SUCLG2: variants seen among roughly 807,000 people sequenced by gnomAD.
SUCLG2 encodes succinate-CoA ligase GDP-forming subunit beta.
Under a neutral mutation model 47.9 loss-of-function variants are expected in SUCLG2, and 42 were observed. That is an observed-to-expected ratio of 0.88 (90% CI 0.69 to 1.14). The LOEUF is 1.14. Among genes scored for constraint, SUCLG2 ranks in the 50% most tolerant of loss-of-function variants. SUCLG2 has a pLI of 0.00. For synonymous variants in SUCLG2, 195 were observed against 197.3 expected (o/e 0.99, Z 0.10); for missense variants, 571 against 525.9 (o/e 1.09, Z -0.84).
chr3:67,567,049 T>C lies in SUCLG2; in HGVS notation c.227-37863A>G, dbSNP rs114678923. Among the ~76,000 whole-genome samples, 1,140 of 152,104 alleles carry C rather than the reference T, an allele frequency of 7.5e-3. 12 individuals carry two copies. The highest frequency in any genetic ancestry group is 0.036 in the East Asian group (183 of 5,144). On this transcript the variant is annotated intron_variant, in intron 2 of 10. Coordinates refer to ENST00000307227, the MANE Select transcript of SUCLG2 (RefSeq NM_003848.4). ...ACACAAAAAAATTAGCTGCCCATGG[T>C]GGTGTGTGCCTGTGGTCCCAGCTAC...
In SUCLG2 at chr3:67,604,457, C is replaced by G. The variant is rs1708484969; in HGVS notation, c.226+4998G>C. 2.0e-5 allele frequency among the ~76,000 whole-genome samples: 3 copies of G among 152,176 alleles called. No homozygotes were observed. The South Asian group carries it at 6.2e-4, about 32-fold the overall frequency. On this transcript the variant is annotated intron_variant, in intron 2 of 10. Coordinates refer to ENST00000307227, the MANE Select transcript of SUCLG2 (RefSeq NM_003848.4). Reference sequence around the variant, plus strand: ...AATGCTAGGGGAGATTTAATCTAATCTGACTGGATTAAAATCCCATCATCT... The same window carrying G: ...AATGCTAGGGGAGATTTAATCTAATGTGACTGGATTAAAATCCCATCATCT...
At chr3:67,396,030 A>G (rs1575668066) in intron 10 of SUCLG2, among the ~76,000 whole-genome samples, 1 of 152,096 alleles carries the variant, frequency 6.6e-6, no homozygotes, top group Non-Finnish European at 1.5e-5. Flanking sequence ...CAGTGTGTAG[A>G]GGGAAATTTA....
chr3:67,605,889 G>C (rs1223553431), intron 2 of SUCLG2, among the ~76,000 whole-genome samples: 2 of 151,612 alleles, frequency 1.3e-5, no homozygotes, highest in African/African-American at 4.8e-5. Flanking sequence ...ATGCAACATT[G>C]CTCATTCCTC....
intron 1 of SUCLG2, among the ~76,000 whole-genome samples, chr3:67,619,829 A>G (rs537534878): frequency 6.6e-6 from 1 of 152,334 alleles, no homozygotes; most frequent in Non-Finnish European, 1.5e-5. Flanking sequence ...CAACCTTGAT[A>G]AACATTAGCA....
chr3:67,507,644 T>C (rs1299051636), intron 7 of SUCLG2, among the ~76,000 whole-genome samples: 1 of 152,002 alleles, frequency 6.6e-6, no homozygotes, highest in Non-Finnish European at 1.5e-5. Context: ...TCGAAGGAAA[T>C]GATAGTGTAG....
chr3:67,403,599 A>G (rs1297124056), intron 9 of SUCLG2, among the ~76,000 whole-genome samples: 1 of 152,198 alleles, frequency 6.6e-6, no homozygotes, highest in Non-Finnish European at 1.5e-5. Flanking sequence ...CAGGGTCTAC[A>G]GATGTCTCAC....
At chr3:67,433,858 A>AACATCTATAAAACAC (rs1387247665) in intron 9 of SUCLG2, among the ~76,000 whole-genome samples, 5 of 152,204 alleles carry the variant, frequency 3.3e-5, no homozygotes, top group Admixed American at 6.5e-5. Flanking sequence ...GCTCTACAAA[A>AACATCTATAAAACAC]ACATCTATAA....
At chr3:67,641,775 C>T (rs1575838182) in intron 1 of SUCLG2, among the ~76,000 whole-genome samples, 1 of 152,152 alleles carries the variant, frequency 6.6e-6, no homozygotes, top group Non-Finnish European at 1.5e-5. Context: ...AAGGTATTCT[C>T]TTGCAGTTTA....
At chr3:67,421,044 A>G (rs1256661640) in intron 9 of SUCLG2, among the ~76,000 whole-genome samples, 1 of 152,174 alleles carries the variant, frequency 6.6e-6, no homozygotes, top group Admixed American at 6.5e-5. Context: ...GTATCAGGTC[A>G]TTTCATCCTC....
intron 2 of SUCLG2, among the ~76,000 whole-genome samples, chr3:67,538,095 T>C (rs1456209553): frequency 2.0e-5 from 3 of 152,216 alleles, no homozygotes; most frequent in Non-Finnish European, 2.9e-5. Context: ...TTTTTCAATT[T>C]TGGCTTTTGT....
chr3:67,590,810 A>G (rs561867877), intron 2 of SUCLG2, among the ~76,000 whole-genome samples: 1 of 152,288 alleles, frequency 6.6e-6, no homozygotes, highest in Admixed American at 6.5e-5. Flanking sequence ...CTTTTCTTTT[A>G]GTGTTAAGTA....
intron 2 of SUCLG2, among the ~76,000 whole-genome samples, chr3:67,554,607 G>A (rs1381169669): frequency 1.3e-5 from 2 of 152,048 alleles, no homozygotes; most frequent in Non-Finnish European, 2.9e-5. Context: ...CGGTTTGGCT[G>A]TTAAGGGACC....
chr3:67,651,535 T>C (rs1042728533), intron 1 of SUCLG2, among the ~76,000 whole-genome samples: 2 of 152,200 alleles, frequency 1.3e-5, no homozygotes, highest in Non-Finnish European at 2.9e-5. Context: ...TGCCTACATA[T>C]AATTTCACCT....
At chr3:67,542,427 G>A (rs1247936430) in intron 2 of SUCLG2, among the ~76,000 whole-genome samples, 4 of 151,974 alleles carry the variant, frequency 2.6e-5, no homozygotes, top group East Asian at 1.9e-4. Flanking sequence ...ATCAACTAAC[G>A]GGCAAAATAA....
At chr3:67,387,454 T>G (rs1164814860) in intron 10 of SUCLG2, among the ~76,000 whole-genome samples, 1 of 152,218 alleles carries the variant, frequency 6.6e-6, no homozygotes, top group Non-Finnish European at 1.5e-5. Flanking sequence ...TAGAAATGAA[T>G]GCACACTACG....
At position 67,498,181 on chromosome 3, in the gene SUCLG2, T is replaced by C; in HGVS notation, c.872A>G (p.Lys291Arg). 6.2e-7 allele frequency: 1 copy of C among 1,613,702 alleles called. No homozygotes were observed. Among genetic ancestry groups the C allele is most frequent in the Middle Eastern group, 1.7e-4 (1 of 5,922 alleles). ...TAGTCCTATGTATTTTAGATCATATTTGGCAGCTTCATTTTCAATGGGCTC... is the reference window on the plus strand; with the variant it reads ...TAGTCCTATGTATTTTAGATCATATCTGGCAGCTTCATTTTCAATGGGCTC... Reference protein sequence around the residue: ...ENEPIENEAAKYDLKYIGLDG... With the variant: ...ENEPIENEAARYDLKYIGLDG... Residue 291 changes from lysine to arginine, a missense_variant, in exon 8 of 11, where the codon AAA (lysine) becomes AGA (arginine). Physicochemically the swap from Lys to Arg is conservative, Grantham distance 26 (BLOSUM62 2). Transcript: ENST00000307227.
intron 9 of SUCLG2, among the ~76,000 whole-genome samples, chr3:67,429,264 T>C (rs1303006738): frequency 6.6e-6 from 1 of 152,162 alleles, no homozygotes. Context: ...CAGCAGAAAC[T>C]CTACAAGCCA....
At chr3:67,515,131 GAA>G (rs933552643) in intron 6 of SUCLG2, among the ~76,000 whole-genome samples, 3 of 152,162 alleles carry the variant, frequency 2.0e-5, no homozygotes, top group Non-Finnish European at 2.9e-5. Flanking sequence ...GGTATTTTGA[GAA>G]AGAGACCATA....
intron 10 of SUCLG2, among the ~76,000 whole-genome samples, chr3:67,393,661 A>G (rs1176167470): frequency 6.6e-6 from 1 of 152,224 alleles, no homozygotes; most frequent in Admixed American, 6.5e-5. Context: ...ACAGCTTTGA[A>G]GAGAGCAGTG....
Sources: gnomAD v4.1 joint callset for allele counts (sites outside exome capture counted in the v4.1 genomes callset) on GRCh38, gnomAD v4.1.1 for gene constraint, MANE v1.5 for transcripts, NCBI Gene and HGNC (gene_info 2026-07-23, HGNC 2026-07-21) for gene names.